PTPRG: variants seen among roughly 807,000 people sequenced by gnomAD.
PTPRG encodes the protein protein tyrosine phosphatase receptor type G.
A neutral mutation model predicts 165.3 loss-of-function variants in PTPRG; 102 were observed. That is an observed-to-expected ratio of 0.62 (90% CI 0.53 to 0.73). PTPRG has a LOEUF of 0.73. Ranked by LOEUF, PTPRG falls within the 30% of genes least tolerant of loss-of-function variation. PTPRG has a pLI of 0.00. For missense variants in PTPRG, 1,866 were observed against 1,861.4 expected (o/e 1.00, Z -0.05); for synonymous variants, 675 against 669.5 (o/e 1.01, Z -0.13).
At chr3:62,170,160 G>A (rs1705161930) in intron 8 of PTPRG, among the ~76,000 whole-genome samples, 1 of 152,116 alleles carries the variant, frequency 6.6e-6, no homozygotes, top group Admixed American at 6.6e-5. Flanking sequence ...GGAACAATGG[G>A]AGAATTAAGA....
At chr3:61,708,484 C>G (rs377551660) in intron 1 of PTPRG, among the ~76,000 whole-genome samples, 2 of 123,896 alleles carry the variant, frequency 1.6e-5, no homozygotes. Flanking sequence ...GACAGAGTCT[C>G]GCTCTCTTGC....
intron 14 of PTPRG, among the ~76,000 whole-genome samples, chr3:62,235,521 A>T (rs919963858): frequency 1.2e-4 from 19 of 152,164 alleles, no homozygotes; most frequent in African/African-American, 4.6e-4. Flanking sequence ...CTTCAGTCAG[A>T]CCTAGGTATC....
chr3:61,698,147 T>C (rs2030720232), intron 1 of PTPRG, among the ~76,000 whole-genome samples: 2 of 152,166 alleles, frequency 1.3e-5, no homozygotes, highest in Non-Finnish European at 1.5e-5. Flanking sequence ...TATCTATGCT[T>C]TTCTCTTGTT....
At chr3:62,106,125 AC>A (rs1257703966) in intron 5 of PTPRG, among the ~76,000 whole-genome samples, 1 of 152,146 alleles carries the variant, frequency 6.6e-6, no homozygotes, top group East Asian at 1.9e-4. Flanking sequence ...CCCAGATAAA[AC>A]TTTTATCTAT....
chr3:61,734,979 C>T (rs184079886), intron 1 of PTPRG, among the ~76,000 whole-genome samples: 135 of 152,210 alleles, frequency 8.9e-4, no homozygotes, highest in African/African-American at 3.2e-3. Context: ...TTGGTCAGAG[C>T]CAGAGGAGGT....
chr3:61,776,058 C>T (rs2034372657), intron 2 of PTPRG, among the ~76,000 whole-genome samples: 2 of 147,970 alleles, frequency 1.4e-5, no homozygotes, highest in African/African-American at 5.0e-5. Flanking sequence ...GCACATGTAC[C>T]CTAAAACTTA....
chr3:61,676,402 A>G (rs1025538662), intron 1 of PTPRG, among the ~76,000 whole-genome samples: 1 of 134,118 alleles, frequency 7.5e-6, no homozygotes. Flanking sequence ...GCTTGCAGTG[A>G]GCTGAGATTG....
At chr3:61,600,400 AT>A (rs2106845067) in intron 1 of PTPRG, among the ~76,000 whole-genome samples, 1 of 152,248 alleles carries the variant, frequency 6.6e-6, no homozygotes, top group South Asian at 2.1e-4. Context: ...GTACTGTATC[AT>A]TACGTAAGAC....
intron 2 of PTPRG, among the ~76,000 whole-genome samples, chr3:61,774,141 C>T (rs890936154): frequency 1.3e-4 from 20 of 152,056 alleles, no homozygotes; most frequent in African/African-American, 3.9e-4. Flanking sequence ...CAAAGTTGAC[C>T]GCATAGAACA....
At chr3:62,238,481 A>G (rs1423193823) in intron 14 of PTPRG, among the ~76,000 whole-genome samples, 1 of 152,174 alleles carries the variant, frequency 6.6e-6, no homozygotes, top group Non-Finnish European at 1.5e-5. Flanking sequence ...CAATGCCTTC[A>G]TAGAAACTGA....
intron 2 of PTPRG, among the ~76,000 whole-genome samples, chr3:61,821,115 C>CA (rs994507404): frequency 6.6e-6 from 1 of 152,068 alleles, no homozygotes; most frequent in African/African-American, 2.4e-5. Context: ...ATAAAAACAG[C>CA]ACAAAACATA....
In PTPRG at chr3:62,273,229, A is replaced by G. The variant is rs1702132008; in HGVS notation, c.3318+148A>G. 1.1e-6 allele frequency: 1 copy of G among 930,992 alleles called. No individual in the cohort carries two copies. Among genetic ancestry groups the G allele is most frequent in the East Asian group, 2.8e-5 (1 of 35,858 alleles). The allele number at this position is 930,992 out of a possible 1,614,324, so 57.7% of individuals were successfully genotyped here. ...TAGAAGATATTCTGACAATGATCCT[A>G]TTCTACGGATCACAGTTTTCCATTT... On this transcript the variant is annotated intron_variant, in intron 22 of 29. Transcript: ENST00000474889. The surrounding 1 kb of genome is among the most constrained non-coding windows in gnomAD (Gnocchi z 4.1).
chr3:61,732,373 T>A (rs929380907), intron 1 of PTPRG, among the ~76,000 whole-genome samples: 1 of 151,976 alleles, frequency 6.6e-6, no homozygotes, highest in Non-Finnish European at 1.5e-5. Flanking sequence ...GTCAGGAGAT[T>A]GAGACCATCC....
chr3:61,575,427 T>C (rs1347240693), intron 1 of PTPRG, among the ~76,000 whole-genome samples: 1 of 152,112 alleles, frequency 6.6e-6, no homozygotes, highest in African/African-American at 2.4e-5. Flanking sequence ...TTTTTGCAGG[T>C]ACCAGAGTGA....
At chr3:62,225,094 G>A (rs898062520) in intron 13 of PTPRG, among the ~76,000 whole-genome samples, 2 of 152,130 alleles carry the variant, frequency 1.3e-5, no homozygotes, top group Non-Finnish European at 2.9e-5. Flanking sequence ...TTGGAAATAA[G>A]GGGAAAAAAT....
At chr3:61,928,815 C>T (rs1441494570) in intron 2 of PTPRG, among the ~76,000 whole-genome samples, 1 of 152,110 alleles carries the variant, frequency 6.6e-6, no homozygotes, top group South Asian at 2.1e-4. Flanking sequence ...TGTATTGTGA[C>T]AGTCTATAGA....
At chr3:61,995,084 C>CTTTTTTTTT (rs761499179) in intron 3 of PTPRG, among the ~76,000 whole-genome samples, 32 of 35,406 alleles carry the variant, frequency 9.0e-4, no homozygotes, top group Non-Finnish European at 1.6e-3. Context: ...TTCTTTCTTT[C>CTTTTTTTTT]TTTTTTTTTT....
At position 62,219,702 on chromosome 3, in the gene PTPRG, G is replaced by A. The variant is rs1330375334; in HGVS notation, c.2288+719G>A. 2.0e-5 allele frequency among the ~76,000 whole-genome samples: 3 copies of A among 152,184 alleles called. No individual in the cohort carries two copies. The highest frequency in any genetic ancestry group is 4.4e-5 in the Non-Finnish European group (3 of 68,030). ...GCCCTTTATCTGACAGGCTTCACCA[G>A]TGAGAAACAGGTGTCATATTTTCAT... On this transcript the variant is annotated intron_variant, in intron 13 of 29. Transcript: ENST00000474889. This position sits in a 1 kb window ranked among gnomAD's most constrained non-coding sequence, Gnocchi z 4.5.
rs1701265368 is a variant in PTPRG at position 62,245,307 on chromosome 3, G to A, written c.2467+1409G>A. Reference sequence around the variant, plus strand: ...AGTCTTCATCAGCATGAAATAAGTAGTTTCATTGAATCTACTGGATTTGCA... The same window carrying A: ...AGTCTTCATCAGCATGAAATAAGTAATTTCATTGAATCTACTGGATTTGCA... On this transcript the variant is annotated intron_variant, in intron 15 of 29. Transcript: ENST00000474889. The surrounding 1 kb of genome is among the most constrained non-coding windows in gnomAD (Gnocchi z 4.2). Among the ~76,000 whole-genome samples the A allele has an allele frequency of 6.6e-6, 1 of 152,148 alleles. No individual in the cohort carries two copies. Among genetic ancestry groups the A allele is most frequent in the African/African-American group, 2.4e-5 (1 of 41,436 alleles).
Sources: gnomAD v4.1 joint callset for allele counts (sites outside exome capture counted in the v4.1 genomes callset) on GRCh38, gnomAD v4.1.1 for gene constraint, Gnocchi (gnomAD v3.1) non-coding constraint, MANE v1.5 for transcripts, NCBI Gene and HGNC (gene_info 2026-07-23, HGNC 2026-07-21) for gene names.